NAALADL2: variants seen among roughly 807,000 people sequenced by gnomAD.
The protein encoded by NAALADL2 is inactive N-acetylated-alpha-linked acidic dipeptidase-like protein 2.
A neutral mutation model predicts 87.2 loss-of-function variants in NAALADL2; 76 were observed. That is an observed-to-expected ratio of 0.87 (90% confidence interval 0.72 to 1.05). The LOEUF (loss-of-function observed/expected upper bound fraction) is 1.05. NAALADL2 is among the 50% of genes least tolerant of loss of function. The pLI is 0.00. For synonymous variants in NAALADL2, 354 were observed against 331.0 expected (o/e 1.07, Z -0.75); for missense variants, 1,089 against 945.8 (o/e 1.15, Z -1.99).
intron 10 of NAALADL2, chr3:175,581,185 T>A: frequency 2.7e-6 from 1 of 375,202 alleles, no homozygotes; most frequent in Middle Eastern, 8.1e-4. Flanking sequence ...CTCATGCCTG[T>A]CATCTCTGCC....
intron 2 of NAALADL2, among the ~76,000 whole-genome samples, chr3:175,131,437 C>T (rs1441724339): frequency 1.3e-4 from 20 of 152,132 alleles, no homozygotes; most frequent in Non-Finnish European, 1.9e-4. Context: ...TGAGTGGACA[C>T]AGCACATGTT....
At chr3:174,913,234 A>G (rs868315493) in intron 1 of NAALADL2, among the ~76,000 whole-genome samples, 2 of 152,164 alleles carry the variant, frequency 1.3e-5, no homozygotes, top group African/African-American at 2.4e-5. Context: ...AAGGGTTTAC[A>G]TAATTGCTAA....
chr3:175,447,190 G>A (rs935241546), intron 5 of NAALADL2, 39 bp from the exon 6 acceptor site: 1 of 1,416,114 alleles, frequency 7.1e-7, no homozygotes, highest in African/African-American at 1.4e-5. Context: ...TTAAATTTCT[G>A]TTTACTAAGG....
chr3:174,611,244 A>C (rs1719837835), intron 2 of NAALADL2, among the ~76,000 whole-genome samples: 1 of 152,070 alleles, frequency 6.6e-6, no homozygotes, highest in South Asian at 2.1e-4. Context: ...GCAGCACACC[A>C]GTATGGCACA....
chr3:175,045,149 T>C (rs1231395871), intron 1 of NAALADL2, among the ~76,000 whole-genome samples: 1 of 152,122 alleles, frequency 6.6e-6, no homozygotes, highest in East Asian at 1.9e-4. Context: ...TGTTTTTTCA[T>C]AAAGGCCTTT....
rs180993715 is a variant in NAALADL2, at chr3:174,493,576, G to A, written c.-184+52544G>A. 2.0e-5 allele frequency among the ~76,000 whole-genome samples: 3 copies of A among 152,206 alleles called. No homozygotes were observed. In the East Asian group the frequency reaches 5.8e-4, roughly 29 times the overall value. On this transcript the variant is annotated intron_variant, in intron 1 of 3. Transcript: ENST00000434257. Reference sequence around the variant, plus strand: ...CAGTCTGTGGTAGTTTGTTATGGCAGCCCTGGCAAATTAATACAATGAATT... The same window carrying A: ...CAGTCTGTGGTAGTTTGTTATGGCAACCCTGGCAAATTAATACAATGAATT...
chr3:175,546,478 G>A (rs951570198), intron 9 of NAALADL2, among the ~76,000 whole-genome samples: 4 of 152,024 alleles, frequency 2.6e-5, no homozygotes, highest in African/African-American at 9.7e-5. Context: ...GCTTTATGAT[G>A]TCATTGGTCT....
chr3:175,049,570 C>T (rs1275238447), intron 1 of NAALADL2, among the ~76,000 whole-genome samples: 1 of 152,166 alleles, frequency 6.6e-6, no homozygotes, highest in Non-Finnish European at 1.5e-5. Context: ...GAGACTGTAG[C>T]ACCATGGCCA....
intron 4 of NAALADL2, among the ~76,000 whole-genome samples, chr3:175,304,128 GA>G (rs1332838859): frequency 6.6e-6 from 1 of 152,020 alleles, no homozygotes; most frequent in African/African-American, 2.4e-5. Context: ...ATTCAAGAAT[GA>G]AAAAGTATCG....
At chr3:175,384,740 C>A (rs1351564604) in intron 5 of NAALADL2, among the ~76,000 whole-genome samples, 1 of 150,202 alleles carries the variant, frequency 6.7e-6, no homozygotes, top group Non-Finnish European at 1.5e-5. Context: ...AATTTTATTA[C>A]CAATTTTTGT....
rs187975828 is a variant in NAALADL2 at position 174,737,343 on chromosome 3, G to A, written c.-114-298G>A. On this transcript the variant is annotated intron_variant, in intron 2 of 3. Coordinates refer to the NAALADL2 transcript ENST00000434257. ...TGTTTAGCAGTGTGTGGCACAAAGT[G>A]TGCAATTTATGCTTGCCGAATTGAT... Among the ~76,000 whole-genome samples, 361 of 152,346 alleles carry A rather than the reference G, an allele frequency of 2.4e-3. 2 individuals carry two copies. The highest frequency in any genetic ancestry group is 8.2e-3 in the African/African-American group (343 of 41,588).
At chr3:175,673,076 T>G (rs1734231335) in intron 11 of NAALADL2, among the ~76,000 whole-genome samples, 1 of 152,136 alleles carries the variant, frequency 6.6e-6, no homozygotes, top group South Asian at 2.1e-4. Context: ...TCTTGCAAGG[T>G]TATTTCCCTC....
chr3:174,526,658 C>T (rs997599400), intron 1 of NAALADL2, among the ~76,000 whole-genome samples: 3 of 149,990 alleles, frequency 2.0e-5, no homozygotes, highest in Admixed American at 1.4e-4. Context: ...TTTGGTAACA[C>T]TGAAATTGTT....
chr3:175,194,336 A>G (rs968150736), intron 2 of NAALADL2, among the ~76,000 whole-genome samples: 9 of 151,794 alleles, frequency 5.9e-5, no homozygotes, highest in African/African-American at 1.7e-4. Flanking sequence ...AACAGAGATG[A>G]ATCATAGTTT....
intron 3 of NAALADL2, among the ~76,000 whole-genome samples, chr3:174,746,349 A>G (rs1734247950): frequency 6.6e-6 from 1 of 152,140 alleles, no homozygotes; most frequent in East Asian, 1.9e-4. Context: ...AAGAGAATAA[A>G]ATACCTAGGA....
chr3:175,337,115 T>C (rs1400486227), intron 5 of NAALADL2, among the ~76,000 whole-genome samples: 1 of 149,020 alleles, frequency 6.7e-6, no homozygotes, highest in East Asian at 1.9e-4. Context: ...AAATTGGAAT[T>C]ACAATTCTTA....
At chr3:174,733,548 T>A (rs549629823) in intron 2 of NAALADL2, among the ~76,000 whole-genome samples, 1 of 152,232 alleles carries the variant, frequency 6.6e-6, no homozygotes, top group Non-Finnish European at 1.5e-5. Flanking sequence ...TTAGCATTTC[T>A]TGTGATTTGT....
At chr3:175,742,460 C>T (rs576015526) in intron 12 of NAALADL2, among the ~76,000 whole-genome samples, 2 of 152,168 alleles carry the variant, frequency 1.3e-5, no homozygotes, top group African/African-American at 2.4e-5. Context: ...TGCAGTGGCG[C>T]GATCTTGGCT....
At chr3:175,642,368 A>G (rs1210275257) in intron 11 of NAALADL2, among the ~76,000 whole-genome samples, 1 of 152,336 alleles carries the variant, frequency 6.6e-6, no homozygotes, top group African/African-American at 2.4e-5. Context: ...CAAGATGTTC[A>G]TGCAAGAAGA....
Sources: allele counts gnomAD v4.1 joint callset (sites outside exome capture counted in the v4.1 genomes callset), GRCh38; gene constraint gnomAD v4.1.1; transcripts MANE v1.5; gene names NCBI Gene and HGNC (gene_info 2026-07-23, HGNC 2026-07-21).